PRAG1: variants seen among roughly 807,000 people sequenced by gnomAD.
PRAG1 encodes the protein inactive tyrosine-protein kinase PRAG1.
A neutral mutation model predicts 95.6 loss-of-function variants in PRAG1; 110 were observed. The ratio of observed to expected loss-of-function variants is 1.15; its 90% confidence interval spans 0.99 to 1.35. PRAG1 has a LOEUF of 1.35. PRAG1 is among the 40% of genes most tolerant of loss of function. The pLI is 0.00. For synonymous variants in PRAG1, 1,052 were observed against 819.4 expected (o/e 1.28, Z -4.85); for missense variants, 2,554 against 1,864.7 (o/e 1.37, Z -6.81).
intron 3 of PRAG1, among the ~76,000 whole-genome samples, chr8:8,371,506 G>A (rs377250629): frequency 6.6e-6 from 1 of 151,950 alleles, no homozygotes; most frequent in Non-Finnish European, 1.5e-5. Context: ...TGATCCACCC[G>A]CCTTGGCCTA....
intron 4 of PRAG1, among the ~76,000 whole-genome samples, chr8:8,338,679 G>C (rs1336464788): frequency 2.0e-5 from 3 of 152,212 alleles, no homozygotes; most frequent in African/African-American, 7.2e-5. Context: ...CTATTGTTTA[G>C]GTAGAATAAT....
intron 4 of PRAG1, among the ~76,000 whole-genome samples, chr8:8,336,092 G>C (rs746747623): frequency 1.1e-4 from 16 of 152,298 alleles, no homozygotes; most frequent in African/African-American, 3.1e-4. Context: ...ATTCATGCAA[G>C]TGAGAATATC....
intron 4 of PRAG1, among the ~76,000 whole-genome samples, chr8:8,337,516 C>A (rs1007273350): frequency 6.6e-6 from 1 of 151,982 alleles, no homozygotes; most frequent in Non-Finnish European, 1.5e-5. Context: ...GAATGTCATG[C>A]CTTTGGTCTC....
At chr8:8,362,840 C>G (rs538382769) in intron 3 of PRAG1, among the ~76,000 whole-genome samples, 2 of 152,252 alleles carry the variant, frequency 1.3e-5, no homozygotes. Context: ...TAAGCTTAGC[C>G]TGATTGGCTA....
At position 8,328,480 on chromosome 8, in the gene PRAG1, AACCATAAG is replaced by A. The variant is rs777459493; in HGVS notation, c.2321-27_2321-20del. On this transcript the variant is annotated intron_variant, in intron 4 of 5. Coordinates refer to ENST00000615670, the MANE Select transcript of PRAG1 (RefSeq NM_001080826.3). ...GAGGGACCTGAAGAGGAGAGACAGA[AACCATAAG>A]ACCAAGGCCAGTGCCACTCAATTCC... 6.2e-7 allele frequency: 1 copy of A among 1,612,228 alleles called. No individual in the cohort carries two copies. The highest frequency in any genetic ancestry group is 8.5e-7 in the Non-Finnish European group (1 of 1,179,650).
Position 8,377,877 on chromosome 8 carries a change from G to A in PRAG1, c.532C>T (p.His178Tyr), listed in dbSNP as rs761081609. Reference sequence around the variant, plus strand: ...TTCTCCTCCGGGAAGCTCACCGGGTGGAAGGCAATGTTCCTCTCGCCGCGG... The same window carrying A: ...TTCTCCTCCGGGAAGCTCACCGGGTAGAAGGCAATGTTCCTCTCGCCGCGG... ...EPRGERNIAF[H>Y]PVSFPEEKAV... Residue 178 changes from histidine (H) to tyrosine (Y), a missense_variant, in exon 3 of 6, where the codon CAC becomes TAC. His to Tyr is a moderately conservative substitution (Grantham distance 83). Coordinates refer to ENST00000615670, the MANE Select transcript of PRAG1 (RefSeq NM_001080826.3). The A allele has an allele frequency of 1.2e-6, 2 of 1,614,120 alleles. No homozygotes were observed. The highest frequency in any genetic ancestry group is 1.6e-4 in the Middle Eastern group (1 of 6,062).
chr8:8,337,503 A>C (rs2117140554), intron 4 of PRAG1, among the ~76,000 whole-genome samples: 1 of 152,306 alleles, frequency 6.6e-6, no homozygotes, highest in East Asian at 1.9e-4. Context: ...AGAGAGAGAG[A>C]AAGAATGTCA....
chr8:8,371,133 A>G (rs1344054363), intron 3 of PRAG1, among the ~76,000 whole-genome samples: 1 of 92,744 alleles, frequency 1.1e-5, no homozygotes, highest in Admixed American at 9.1e-5. Context: ...TTCTGTCTCA[A>G]AAAAAAAAAA....
At chr8:8,370,025 G>T (rs900344458) in intron 3 of PRAG1, among the ~76,000 whole-genome samples, 1 of 152,196 alleles carries the variant, frequency 6.6e-6, no homozygotes, top group Non-Finnish European at 1.5e-5. Context: ...CCACTCAAAA[G>T]TAGACAATTA....
In PRAG1 at chr8:8,319,076, G is replaced by A; in HGVS notation, c.3299C>T (p.Ala1100Val). 1 of 1,611,350 alleles carries A rather than the reference G, an allele frequency of 6.2e-7. No individual in the cohort carries two copies. Among genetic ancestry groups the A allele is most frequent in the South Asian group, 1.1e-5 (1 of 91,018 alleles). Residue 1100 changes from alanine to valine, a missense_variant, in exon 6 of 6, where the codon GCC becomes GTC. Ala to Val is a moderately conservative substitution (Grantham distance 64, BLOSUM62 0). Transcript: ENST00000615670. ...VITREVPHQT[A>V]SDFVRDSAAS... ...CGCCGAGTCCCGCACGAAGTCGGAGGCGGTCTGATGTGGCACCTCTCGGGT... is the reference window on the plus strand; with the variant it reads ...CGCCGAGTCCCGCACGAAGTCGGAGACGGTCTGATGTGGCACCTCTCGGGT...
chr8:8,352,494 G>C (rs907787395), intron 3 of PRAG1, among the ~76,000 whole-genome samples: 41 of 152,158 alleles, frequency 2.7e-4, no homozygotes, highest in African/African-American at 9.7e-4. Flanking sequence ...CAAATCAGCT[G>C]TTCCAAGCAT....
intron 5 of PRAG1, among the ~76,000 whole-genome samples, chr8:8,320,510 G>T (rs1798439384): frequency 6.6e-6 from 1 of 152,176 alleles, no homozygotes; most frequent in African/African-American, 2.4e-5. Context: ...AGCCGTAATG[G>T]CCCTCTGTCA....
chr8:8,339,450 G>A (rs1374025202), intron 4 of PRAG1, 28 bp downstream of exon 4: 1 of 1,610,066 alleles, frequency 6.2e-7, no homozygotes, highest in African/African-American at 1.3e-5. Flanking sequence ...GAGAATCTAA[G>A]CCTCTCCGTC....
intron 4 of PRAG1, among the ~76,000 whole-genome samples, chr8:8,334,911 G>C (rs1002901333): frequency 6.6e-6 from 1 of 151,798 alleles, no homozygotes; most frequent in Non-Finnish European, 1.5e-5. Flanking sequence ...GGCGAAACTC[G>C]TCTCTACTAA....
rs1798383894 is a variant in PRAG1 at position 8,318,993 on chromosome 8, G to C, written c.3382C>G (p.Gln1128Glu). ...YERRVCFLLL[Q>E]LCNGLEHLKE... Reference sequence around the variant, plus strand: ...AGGTGCTCCAGCCCGTTGCAGAGTTGCAGAAGCAGGAAGCACACGCGCCGC... The same window carrying C: ...AGGTGCTCCAGCCCGTTGCAGAGTTCCAGAAGCAGGAAGCACACGCGCCGC... The change falls in exon 6 of 6, where the codon CAA becomes GAA. Residue 1128 changes from glutamine (Q) to glutamate (E), a missense_variant. Gln to Glu is a conservative substitution (Grantham distance 29, BLOSUM62 2). Coordinates refer to ENST00000615670, the MANE Select transcript of PRAG1 (RefSeq NM_001080826.3). The surrounding 1 kb of genome is among the most constrained non-coding windows in gnomAD (Gnocchi z 4.2). The C allele has an allele frequency of 6.2e-7, 1 of 1,613,368 alleles. No homozygotes were observed. The highest frequency in any genetic ancestry group is 8.5e-7 in the Non-Finnish European group (1 of 1,179,816).
chr8:8,356,953 T>G (rs1799701840), intron 3 of PRAG1, among the ~76,000 whole-genome samples: 1 of 152,210 alleles, frequency 6.6e-6, no homozygotes, highest in Non-Finnish European at 1.5e-5. Context: ...TTTCAACGAA[T>G]GGTGCTGGTA....
chr8:8,378,090 C>G lies in PRAG1; in HGVS notation c.331-12G>C. 3 of 1,515,136 alleles carry G rather than the reference C, an allele frequency of 2.0e-6. No homozygotes were observed. Among genetic ancestry groups the G allele is most frequent in the Non-Finnish European group, 2.6e-6 (3 of 1,135,614 alleles). 93.9% of individuals were successfully genotyped at this position (1,515,136 alleles called of 1,614,324 possible). On this transcript the variant is annotated splice_polypyrimidine_tract_variant and intron_variant, in intron 2 of 5. Coordinates refer to ENST00000615670, the MANE Select transcript of PRAG1 (RefSeq NM_001080826.3). ...CGTCTCCAGATGACCTACACACAAG[C>G]CCAACGCAAAAAGACTTATATTAGA...
At chr8:8,330,219 A>C (rs569124730) in intron 4 of PRAG1, among the ~76,000 whole-genome samples, 2 of 152,282 alleles carry the variant, frequency 1.3e-5, no homozygotes, top group East Asian at 3.9e-4. Context: ...TACAAAAATT[A>C]GCTGGGCGTG....
At chr8:8,370,020 C>A (rs1563251791) in intron 3 of PRAG1, among the ~76,000 whole-genome samples, 2 of 152,112 alleles carry the variant, frequency 1.3e-5, no homozygotes, top group East Asian at 3.8e-4. Context: ...AGAGCCCACT[C>A]AAAAGTAGAC....
Sources: allele counts gnomAD v4.1 joint callset (sites outside exome capture counted in the v4.1 genomes callset), GRCh38; gene constraint gnomAD v4.1.1; non-coding constraint Gnocchi (gnomAD v3.1); transcripts MANE v1.5; gene names NCBI Gene and HGNC (gene_info 2026-07-23, HGNC 2026-07-21).